Variants in CSGALNACT2 observed in about 807,000 individuals in gnomAD.
CSGALNACT2 encodes the protein chondroitin sulfate N-acetylgalactosaminyltransferase 2, also known as beta 4 GalNAcT-2.
A neutral mutation model predicts 55.3 loss-of-function variants in CSGALNACT2; 35 were observed. The ratio of observed to expected loss-of-function variants is 0.63; its 90% confidence interval spans 0.48 to 0.84. The LOEUF is 0.84. Among genes scored for constraint, CSGALNACT2 ranks in the 40% least tolerant of loss-of-function variants. CSGALNACT2 has a pLI of 0.00. For synonymous variants in CSGALNACT2, 196 were observed against 224.9 expected (o/e 0.87, Z 1.15); for missense variants, 544 against 657.5 (o/e 0.83, Z 1.89).
intron 6 of CSGALNACT2, among the ~76,000 whole-genome samples, chr10:43,172,909 A>T (rs1420903008): frequency 6.6e-6 from 1 of 152,072 alleles, no homozygotes; most frequent in African/African-American, 2.4e-5. Flanking sequence ...TGATTGGGGG[A>T]TAGTGGTTTC....
In CSGALNACT2 at chr10:43,158,306, A is replaced by C. The variant is rs141939366; in HGVS notation, c.662-409A>C. Among the ~76,000 whole-genome samples the C allele has an allele frequency of 5.2e-3, 794 of 152,274 alleles. 9 individuals are homozygous for C. The highest frequency in any genetic ancestry group is 0.019 in the African/African-American group (770 of 41,542). On this transcript the variant is annotated intron_variant, in intron 2 of 7. Transcript: ENST00000374466. ...GACCATGTGGCACTCTTTGTATCACATAACTGACACGAAGGCACTCGATTT... is the reference window on the plus strand; with the variant it reads ...GACCATGTGGCACTCTTTGTATCACCTAACTGACACGAAGGCACTCGATTT...
rs996961239 is a variant in CSGALNACT2 at position 43,139,087 on chromosome 10, T to C, written c.-254+520T>C. Reference sequence around the variant, plus strand: ...ATACTTCTGTTTGTGATGATGGTATTGGCGGTATGATAGTTTGATTATACA... The same window carrying C: ...ATACTTCTGTTTGTGATGATGGTATCGGCGGTATGATAGTTTGATTATACA... On this transcript the variant is annotated intron_variant, in intron 1 of 7. Transcript: ENST00000374466. Among the ~76,000 whole-genome samples the C allele has an allele frequency of 8.5e-5, 13 of 152,290 alleles. 1 individual carries two copies. The highest frequency in any genetic ancestry group is 7.2e-4 in the Admixed American group (11 of 15,300).
intron 5 of CSGALNACT2, among the ~76,000 whole-genome samples, chr10:43,165,765 C>T (rs1212217728): frequency 3.3e-5 from 5 of 152,220 alleles, no homozygotes; most frequent in Non-Finnish European, 7.4e-5. Context: ...CCGAGGCAGG[C>T]GGATCACCTC....
At chr10:43,172,710 G>A (rs193135913) in intron 6 of CSGALNACT2, among the ~76,000 whole-genome samples, 4 of 152,220 alleles carry the variant, frequency 2.6e-5, no homozygotes, top group East Asian at 1.9e-4. Context: ...GCTGTTGCTC[G>A]TGAGGATCTT....
chr10:43,182,847 C>G (rs1475024427), intron 7 of CSGALNACT2, among the ~76,000 whole-genome samples: 1 of 150,134 alleles, frequency 6.7e-6, no homozygotes, highest in Non-Finnish European at 1.5e-5. Flanking sequence ...TGCACTCCAG[C>G]CTGGGTGACA....
At chr10:43,176,169 TA>T in intron 7 of CSGALNACT2, 137 bp downstream of exon 7, 1 of 558,296 alleles carries the variant, frequency 1.8e-6, no homozygotes, top group Non-Finnish European at 3.0e-6. Context: ...AAACTGGATA[TA>T]CAAAAGGCAA....
intron 5 of CSGALNACT2, among the ~76,000 whole-genome samples, chr10:43,164,739 C>A (rs993275343): frequency 9.3e-5 from 14 of 150,840 alleles, no homozygotes; most frequent in African/African-American, 3.4e-4. Flanking sequence ...CCTAGCTACT[C>A]GGGTGGCTGA....
At chr10:43,162,482 G>T (rs1177089318) in intron 4 of CSGALNACT2, 9 of 985,320 alleles carry the variant, frequency 9.1e-6, no homozygotes, top group African/African-American at 1.7e-5. Flanking sequence ...ACTTGATGCT[G>T]AGTATGTGGG....
chr10:43,174,647 C>T (rs1184817504), intron 6 of CSGALNACT2, among the ~76,000 whole-genome samples: 1 of 152,186 alleles, frequency 6.6e-6, no homozygotes, highest in Non-Finnish European at 1.5e-5. Context: ...TTCCACATTC[C>T]ACATCCATAC....
intron 1 of CSGALNACT2, among the ~76,000 whole-genome samples, chr10:43,145,910 A>C (rs1838737216): frequency 6.6e-6 from 1 of 152,136 alleles, no homozygotes; most frequent in Non-Finnish European, 1.5e-5. Context: ...TCTTTTAGGT[A>C]AATATCTAGG....
At chr10:43,175,537 C>T (rs1839461949) in intron 6 of CSGALNACT2, among the ~76,000 whole-genome samples, 1 of 152,160 alleles carries the variant, frequency 6.6e-6, no homozygotes, top group Non-Finnish European at 1.5e-5. Context: ...GTGACAGCAG[C>T]TTCCCTGAAT....
intron 7 of CSGALNACT2, among the ~76,000 whole-genome samples, chr10:43,177,658 C>T (rs1186045416): frequency 6.6e-6 from 1 of 152,166 alleles, no homozygotes; most frequent in Non-Finnish European, 1.5e-5. Context: ...TTTGTTTCTC[C>T]ATTTGTCAGT....
intron 5 of CSGALNACT2, among the ~76,000 whole-genome samples, chr10:43,165,005 C>T (rs1839231362): frequency 6.6e-6 from 1 of 151,210 alleles, no homozygotes; most frequent in Non-Finnish European, 1.5e-5. Context: ...GGGCGGATCA[C>T]GAGGTCAAGA....
At chr10:43,177,177 G>C (rs1163208901) in intron 7 of CSGALNACT2, among the ~76,000 whole-genome samples, 1 of 152,100 alleles carries the variant, frequency 6.6e-6, no homozygotes, top group Admixed American at 6.6e-5. Context: ...TTCTTGCTTA[G>C]TTAAGCAAGC....
chr10:43,173,968 G>A (rs1026799002), intron 6 of CSGALNACT2, among the ~76,000 whole-genome samples: 1 of 152,134 alleles, frequency 6.6e-6, no homozygotes, highest in Non-Finnish European at 1.5e-5. Flanking sequence ...CGTCCAGTCT[G>A]GGCAACACAG....
intron 7 of CSGALNACT2, among the ~76,000 whole-genome samples, chr10:43,177,964 T>A (rs1056062253): frequency 6.6e-6 from 1 of 152,216 alleles, no homozygotes; most frequent in African/African-American, 2.4e-5. Flanking sequence ...CCCATGATAG[T>A]GGATGTGGTA....
At chr10:43,153,456 T>C (rs973343524) in intron 1 of CSGALNACT2, among the ~76,000 whole-genome samples, 2 of 151,460 alleles carry the variant, frequency 1.3e-5, no homozygotes, top group Non-Finnish European at 2.9e-5. Flanking sequence ...ATATTGGCCA[T>C]AAGAAGTTTT....
rs2133164296 is a variant in CSGALNACT2 at position 43,184,104 on chromosome 10, C to T, written c.*562C>T. ...AAGAGAAAGGTAGAACTAAAAACTCCTTAACTTACTGTTGCTTACACCCCT... is the reference window on the plus strand; with the variant it reads ...AAGAGAAAGGTAGAACTAAAAACTCTTTAACTTACTGTTGCTTACACCCCT... On this transcript the variant is annotated 3_prime_UTR_variant, in exon 8 of 8. Transcript: ENST00000374466. The T allele has an allele frequency of 1.3e-5, 2 of 153,566 alleles. No homozygotes were observed. The highest frequency in any genetic ancestry group is 3.8e-4 in the East Asian group (2 of 5,216). The allele number at this position is 153,566 out of a possible 1,614,324, so 9.5% of individuals were successfully genotyped here.
intron 6 of CSGALNACT2, among the ~76,000 whole-genome samples, chr10:43,169,638 A>G (rs1839345994): frequency 6.6e-6 from 1 of 152,216 alleles, no homozygotes; most frequent in African/African-American, 2.4e-5. Context: ...AGAAGCTCCC[A>G]AATTATTAAT....
Sources: allele counts gnomAD v4.1 joint callset (sites outside exome capture counted in the v4.1 genomes callset), GRCh38; gene constraint gnomAD v4.1.1; transcripts MANE v1.5; gene names NCBI Gene and HGNC (gene_info 2026-07-23, HGNC 2026-07-21).